The following OSBPL10 variants were observed in gnomAD, a reference collection of about 807,000 sequenced individuals.
OSBPL10 encodes oxysterol-binding protein-related protein 10.
In OSBPL10, 49 loss-of-function variants were observed where a neutral mutation model predicts 81.7. The observed-to-expected ratio is 0.60, with a 90% CI of 0.48 to 0.76. OSBPL10 has a LOEUF of 0.76. OSBPL10 is among the 30% of genes least tolerant of loss of function. The pLI, the probability that OSBPL10 is intolerant of heterozygous loss-of-function variation, is 0.00. For missense variants in OSBPL10, 923 were observed against 987.8 expected, an observed-to-expected ratio of 0.93 and a Z score of 0.88; for synonymous variants, 419 against 383.6, an observed-to-expected ratio of 1.09 and a Z score of -1.08.
chr3:31,933,029 C>T (rs1238891749), intron 1 of OSBPL10, among the ~76,000 whole-genome samples: 1 of 152,118 alleles, frequency 6.6e-6, no homozygotes, highest in Non-Finnish European at 1.5e-5. Flanking sequence ...TTTCTCCTTT[C>T]CAACAAATAC....
At chr3:31,662,208 C>A in intron 11 of OSBPL10, 92 bp from the exon 12 acceptor site, 1 of 1,595,694 alleles carries the variant, frequency 6.3e-7, no homozygotes, top group African/African-American at 1.3e-5. Context: ...TGTGTGTCTG[C>A]CGTGTCTTAA....
At chr3:31,961,497 T>C (rs1002336210) in intron 1 of OSBPL10, among the ~76,000 whole-genome samples, 3 of 152,212 alleles carry the variant, frequency 2.0e-5, no homozygotes, top group Non-Finnish European at 4.4e-5. Flanking sequence ...GCTGGGAGCC[T>C]AAAACTGCTC....
At chr3:31,888,891 T>C (rs903809037) in intron 1 of OSBPL10, among the ~76,000 whole-genome samples, 2 of 152,120 alleles carry the variant, frequency 1.3e-5, no homozygotes. Context: ...GTCACTGCAC[T>C]CCAGCCTGGG....
At chr3:31,820,370 G>A (rs1386959224) in intron 4 of OSBPL10, among the ~76,000 whole-genome samples, 2 of 152,154 alleles carry the variant, frequency 1.3e-5, no homozygotes, top group Non-Finnish European at 2.9e-5. Flanking sequence ...GCTGAGGCGG[G>A]TGGCTCATGA....
chr3:31,900,821 T>C (rs1696214108), intron 1 of OSBPL10, among the ~76,000 whole-genome samples: 1 of 152,226 alleles, frequency 6.6e-6, no homozygotes, highest in African/African-American at 2.4e-5. Flanking sequence ...GGAAACTTTG[T>C]ATTACTCTTG....
rs533095125 is a variant in OSBPL10, at chr3:31,670,688, A to G, written c.1913+109T>C. ...TTTTGGAAAAGACCTTAACAAGTTTATCTTGATTTTCAACTCATCCCATTA... is the reference window on the plus strand; with the variant it reads ...TTTTGGAAAAGACCTTAACAAGTTTGTCTTGATTTTCAACTCATCCCATTA... On this transcript the variant is annotated intron_variant, in intron 9 of 11. Coordinates refer to ENST00000396556, the MANE Select transcript of OSBPL10 (RefSeq NM_017784.5). The G allele has an allele frequency of 3.9e-6, 5 of 1,270,620 alleles. No individual in the cohort carries two copies. In the African/African-American group the frequency reaches 6.0e-5, roughly 15 times the overall value. 78.7% of individuals were successfully genotyped at this position (1,270,620 alleles called of 1,614,324 possible).
At chr3:31,800,323 T>A (rs1699347824) in intron 4 of OSBPL10, among the ~76,000 whole-genome samples, 1 of 152,208 alleles carries the variant, frequency 6.6e-6, no homozygotes, top group South Asian at 2.1e-4. Context: ...TTTCACTTCA[T>A]TATCTGTGAT....
At chr3:31,781,414 G>A (rs1450883549) in intron 4 of OSBPL10, among the ~76,000 whole-genome samples, 1 of 152,132 alleles carries the variant, frequency 6.6e-6, no homozygotes, top group African/African-American at 2.4e-5. Flanking sequence ...AGACAAGGAT[G>A]CCCACTTTCA....
intron 6 of OSBPL10, among the ~76,000 whole-genome samples, chr3:31,727,215 A>G (rs7636210): frequency 0.097 from 14,731 of 152,110 alleles, 1,765 homozygotes; most frequent in African/African-American, 0.28. Context: ...TATAGGAGAT[A>G]GTGTAGTATG....
At chr3:31,672,117 T>C (rs1168910234) in intron 8 of OSBPL10, among the ~76,000 whole-genome samples, 1 of 151,824 alleles carries the variant, frequency 6.6e-6, no homozygotes, top group Non-Finnish European at 1.5e-5. Flanking sequence ...AGTCCTCCAG[T>C]GGAAAGAGTG....
chr3:31,961,887 G>T, intron 1 of OSBPL10, among the ~76,000 whole-genome samples: 1 of 149,198 alleles, frequency 6.7e-6, no homozygotes, highest in African/African-American at 2.5e-5. Flanking sequence ...TCTAATTTTG[G>T]CATCACCAGT....
At chr3:31,903,284 A>C (rs921707396) in intron 1 of OSBPL10, among the ~76,000 whole-genome samples, 3 of 151,040 alleles carry the variant, frequency 2.0e-5, no homozygotes, top group African/African-American at 7.3e-5. Flanking sequence ...CCCTAACCTT[A>C]TGATGGAGGC....
chr3:32,059,600 A>AAACAG (rs1699740179), intron 1 of OSBPL10, among the ~76,000 whole-genome samples: 1 of 151,450 alleles, frequency 6.6e-6, no homozygotes, highest in South Asian at 2.1e-4. Context: ...CAAAAAAACA[A>AAACAG]AACAAAACAA....
At chr3:31,783,878 T>TA (rs1428383879) in intron 4 of OSBPL10, among the ~76,000 whole-genome samples, 1 of 84,188 alleles carries the variant, frequency 1.2e-5, no homozygotes, top group Non-Finnish European at 2.4e-5. Context: ...AAATAAAAAT[T>TA]AAAAAAATTT....
chr3:31,755,524 G>A (rs923667255), intron 4 of OSBPL10, among the ~76,000 whole-genome samples: 4 of 152,124 alleles, frequency 2.6e-5, no homozygotes, highest in Admixed American at 6.5e-5. Flanking sequence ...TGGACTTCAT[G>A]GTGTCATTAT....
intron 4 of OSBPL10, among the ~76,000 whole-genome samples, chr3:31,801,682 T>C (rs1325913555): frequency 2.0e-5 from 3 of 152,160 alleles, no homozygotes; most frequent in Non-Finnish European, 2.9e-5. Flanking sequence ...CCTGTGTCCA[T>C]TGCAAGGAAA....
Position 32,037,195 on chromosome 3 carries a change from G to A in OSBPL10, n.298+9296C>T, listed in dbSNP as rs146188274. ...GTGACAGAGAGAACAGGAACTGCGG[G>A]CTCACTGGGAGAGCTGGTTACACAA... On this transcript the variant is annotated intron_variant and non_coding_transcript_variant, in intron 2 of 3. Transcript: ENST00000479173. Among the ~76,000 whole-genome samples, 47 of 152,332 alleles carry A rather than the reference G, an allele frequency of 3.1e-4. 1 individual carries two copies. In the East Asian group the frequency reaches 8.1e-3, roughly 26 times the overall value.
In OSBPL10 at chr3:31,872,229, T is replaced by C. The variant is rs1489405949; in HGVS notation, c.537+4204A>G. Among the ~76,000 whole-genome samples the C allele has an allele frequency of 4.6e-5, 7 of 152,108 alleles. No homozygotes were observed. In the East Asian group the frequency reaches 7.7e-4, roughly 17 times the overall value. ...GTCCATGCAGAATCAGAAACTTTCCTAGAAGGGACCCCACCACCCACAGAG... is the reference window on the plus strand; with the variant it reads ...GTCCATGCAGAATCAGAAACTTTCCCAGAAGGGACCCCACCACCCACAGAG... On this transcript the variant is annotated intron_variant, in intron 3 of 11. Coordinates refer to ENST00000396556, the MANE Select transcript of OSBPL10 (RefSeq NM_017784.5).
intron 1 of OSBPL10, among the ~76,000 whole-genome samples, chr3:32,057,706 G>C (rs1026817217): frequency 6.6e-6 from 1 of 152,144 alleles, no homozygotes; most frequent in African/African-American, 2.4e-5. Flanking sequence ...GACTTGTGGG[G>C]GTTATGAGGA....
Sources: allele counts gnomAD v4.1 joint callset (sites outside exome capture counted in the v4.1 genomes callset), GRCh38; gene constraint gnomAD v4.1.1; transcripts MANE v1.5; gene names NCBI Gene and HGNC (gene_info 2026-07-23, HGNC 2026-07-21).